RPGRIP1: variants seen among roughly 807,000 people sequenced by gnomAD.
RPGRIP1 encodes RPGR interacting protein 1, also known as X-linked retinitis pigmentosa GTPase regulator-interacting protein 1.
In RPGRIP1, 128 loss-of-function variants were observed where a neutral mutation model predicts 157.9. The ratio of observed to expected loss-of-function variants is 0.81; its 90% CI spans 0.70 to 0.94. The LOEUF is 0.94. Among genes scored for constraint, RPGRIP1 ranks in the 40% least tolerant of loss-of-function variants. The pLI is 0.00. For missense variants in RPGRIP1, 1,486 were observed against 1,545.8 expected (o/e 0.96, Z 0.65); for synonymous variants, 554 against 571.6 (o/e 0.97, Z 0.44).
chr14:21,332,870 G>A (rs995100479), intron 20 of RPGRIP1, among the ~76,000 whole-genome samples: 3 of 152,136 alleles, frequency 2.0e-5, no homozygotes, highest in Non-Finnish European at 4.4e-5. Flanking sequence ...AGTTTGGGAG[G>A]CAGAGGCAGG....
At chr14:21,326,532 G>C (rs1883130162) in intron 17 of RPGRIP1, among the ~76,000 whole-genome samples, 1 of 151,972 alleles carries the variant, frequency 6.6e-6, no homozygotes, top group Non-Finnish European at 1.5e-5. Flanking sequence ...ACCACACCCG[G>C]CTAATTTTTG....
At chr14:21,295,611 G>C (rs1880739657) in intron 3 of RPGRIP1, among the ~76,000 whole-genome samples, 1 of 151,348 alleles carries the variant, frequency 6.6e-6, no homozygotes, top group Non-Finnish European at 1.5e-5. Context: ...AGCCTCCCAA[G>C]TAGCTGGGAT....
intron 24 of RPGRIP1, among the ~76,000 whole-genome samples, chr14:21,350,345 C>T (rs1048366569): frequency 7.0e-6 from 1 of 143,232 alleles, no homozygotes; most frequent in Non-Finnish European, 1.5e-5. Flanking sequence ...CACCGCACTC[C>T]AGCCTGGGTG....
intron 3 of RPGRIP1, among the ~76,000 whole-genome samples, chr14:21,295,291 CT>C (rs1194637073): frequency 5.3e-5 from 8 of 152,092 alleles, no homozygotes; most frequent in African/African-American, 1.7e-4. Flanking sequence ...GGTTCCTCCC[CT>C]GGTCACAACT....
At chr14:21,282,605 A>ATTTTTTTTTTT (rs35939351) in intron 1 of RPGRIP1, among the ~76,000 whole-genome samples, 1 of 103,238 alleles carries the variant, frequency 9.7e-6, no homozygotes, top group South Asian at 3.2e-4. Context: ...TCTACATTCC[A>ATTTTTTTTTTT]TTTTTTTTTT....
At chr14:21,323,785 T>TCG (rs1013972329) in intron 14 of RPGRIP1, 12 of 142,712 alleles carry the variant, frequency 8.4e-5, no homozygotes, top group African/African-American at 3.1e-4. Flanking sequence ...GTCTCCTTAT[T>TCG]CGTGTGTGTG....
intron 7 of RPGRIP1, 91 bp downstream of exon 7, chr14:21,307,927 C>A: frequency 2.9e-6 from 2 of 700,960 alleles, no homozygotes; most frequent in Admixed American, 3.2e-5. Context: ...ATATGAGAAG[C>A]CACAATTCAG....
chr14:21,284,717 A>G (rs977288977), intron 1 of RPGRIP1, among the ~76,000 whole-genome samples: 11 of 151,826 alleles, frequency 7.2e-5, no homozygotes, highest in African/African-American at 2.4e-4. Flanking sequence ...GCGCCCAGCA[A>G]ATTTTTGTAT....
At chr14:21,302,702 GA>G in intron 5 of RPGRIP1, 118 bp downstream of exon 5, 1 of 592,020 alleles carries the variant, frequency 1.7e-6, no homozygotes, top group Non-Finnish European at 2.8e-6. Flanking sequence ...CAGGGAAGAT[GA>G]AAGTCGACCC....
intron 6 of RPGRIP1, among the ~76,000 whole-genome samples, chr14:21,305,347 G>A (rs1404391654): frequency 6.6e-6 from 1 of 152,138 alleles, no homozygotes; most frequent in Admixed American, 6.6e-5. Context: ...TTAGTAATAT[G>A]CATTTAAGCT....
rs1206971905 is a variant in RPGRIP1, at chr14:21,341,290, C to T, written c.3340-1746C>T. 2.6e-5 allele frequency among the ~76,000 whole-genome samples: 4 copies of T among 152,130 alleles called. No individual in the cohort carries two copies. In the East Asian group the frequency reaches 7.7e-4, roughly 29 times the overall value. On this transcript the variant is annotated intron_variant, in intron 21 of 24. Coordinates refer to ENST00000400017, the MANE Select transcript of RPGRIP1 (RefSeq NM_020366.4). ...AGGTCAACTGCCCGCCTCGGCCTCC[C>T]AAAATGCTGGTATTACAGGTGTGAG...
At chr14:21,295,023 A>G (rs756243895) in intron 3 of RPGRIP1, among the ~76,000 whole-genome samples, 1 of 151,138 alleles carries the variant, frequency 6.6e-6, no homozygotes, top group African/African-American at 2.4e-5. Context: ...TAGTATTTTT[A>G]AGTAGAGATG....
chr14:21,305,018 G>A (rs1881240589), intron 6 of RPGRIP1, among the ~76,000 whole-genome samples: 1 of 152,138 alleles, frequency 6.6e-6, no homozygotes, highest in Non-Finnish European at 1.5e-5. Context: ...TAGCCAGGAT[G>A]GTCTCGATCT....
chr14:21,291,906 C>T (rs529026574), intron 2 of RPGRIP1, among the ~76,000 whole-genome samples: 24 of 152,132 alleles, frequency 1.6e-4, no homozygotes, highest in African/African-American at 2.6e-4. Flanking sequence ...ATTACAGGCA[C>T]GTGTCACCAC....
chr14:21,325,753 C>A, intron 16 of RPGRIP1, 78 bp from the exon 17 acceptor site: 1 of 1,074,676 alleles, frequency 9.3e-7, no homozygotes, highest in Non-Finnish European at 1.4e-6. Flanking sequence ...ATAGCTCTTC[C>A]TCACCACAGA....
intron 10 of RPGRIP1, among the ~76,000 whole-genome samples, chr14:21,316,284 G>A (rs939350828): frequency 6.6e-6 from 1 of 151,436 alleles, no homozygotes; most frequent in Non-Finnish European, 1.5e-5. Flanking sequence ...GCCAATTTTT[G>A]TATTTTTAAT....
At chr14:21,293,733 G>A (rs935513229) in intron 2 of RPGRIP1, among the ~76,000 whole-genome samples, 2 of 152,150 alleles carry the variant, frequency 1.3e-5, no homozygotes, top group African/African-American at 2.4e-5. Context: ...AAAAAAATTA[G>A]CCAGGTGTGG....
At chr14:21,284,540 A>T (rs991032896) in intron 1 of RPGRIP1, among the ~76,000 whole-genome samples, 6 of 130,462 alleles carry the variant, frequency 4.6e-5, no homozygotes, top group African/African-American at 1.4e-4. Context: ...GGAGAACTAA[A>T]TTTTTTTTTT....
In RPGRIP1 at chr14:21,338,199, A is replaced by G. The variant is rs12586276; in HGVS notation, c.3339+3494A>G. Among the ~76,000 whole-genome samples, 1,600 of 152,328 alleles carry G rather than the reference A, an allele frequency of 0.011. 78 individuals carry two copies. In the East Asian group the frequency reaches 0.14, roughly 14 times the overall value. ...CCAAAGTGCCGGGATTACAGGCGTG[A>G]GCCACCGCTCCTGGCCTCCCTCTTC... is the stretch of plus-strand genomic sequence containing the variant. On this transcript the variant is annotated intron_variant, in intron 21 of 24. Transcript: ENST00000400017.
Sources: gnomAD v4.1 joint callset for allele counts (sites outside exome capture counted in the v4.1 genomes callset) on GRCh38, gnomAD v4.1.1 for gene constraint, MANE v1.5 for transcripts, NCBI Gene and HGNC (gene_info 2026-07-23, HGNC 2026-07-21) for gene names.